LRRC56: variants seen among roughly 807,000 people sequenced by gnomAD.
LRRC56 encodes the protein leucine-rich repeat-containing protein 56.
LRRC56 carries 41 observed loss-of-function variants against 47.8 expected under a neutral mutation model. The observed-to-expected ratio is 0.86, with a 90% CI of 0.67 to 1.11. The LOEUF (loss-of-function observed/expected upper bound fraction) is 1.11, where lower values mean the gene tolerates loss of function less well. Ranked by LOEUF, LRRC56 falls within the 50% of genes most tolerant of loss-of-function variation. LRRC56 has a pLI of 0.00. For synonymous variants in LRRC56, 387 were observed against 311.2 expected (o/e 1.24, Z -2.56); for missense variants, 759 against 704.2 (o/e 1.08, Z -0.88).
At chr11:552,441 G>A (rs962635779) in intron 12 of LRRC56, 128 bp from the exon 13 acceptor site, 49 of 1,175,058 alleles carry the variant, frequency 4.2e-5, no homozygotes, top group South Asian at 1.4e-4. Context: ...GTCCTGTCCC[G>A]TGGGGGGATC....
rs555228061 is a variant in LRRC56 at position 553,783 on chromosome 11, G to A, written c.1316-180G>A. On this transcript the variant is annotated intron_variant, in intron 13 of 13. Transcript: ENST00000270115. Reference sequence around the variant, plus strand: ...GCCCCAGAGGTGGGCCCGCCCATGCGAGTCAGGGGTCACAGGGCTGGGAAC... The same window carrying A: ...GCCCCAGAGGTGGGCCCGCCCATGCAAGTCAGGGGTCACAGGGCTGGGAAC... Among the ~76,000 whole-genome samples the A allele has an allele frequency of 5.3e-5, 8 of 152,254 alleles. No homozygotes were observed. In the South Asian group the frequency reaches 6.3e-4, roughly 12 times the overall value.
chr11:510,579 A>G, the LRRC56 span, among the ~76,000 whole-genome samples: 1 of 152,040 alleles, frequency 6.6e-6, no homozygotes, highest in African/African-American at 2.4e-5. Context: ...CTCTACTAAT[A>G]ATACAAAAAT....
Position 551,219 on chromosome 11 carries a change from G to A in LRRC56, c.713G>A (p.Gly238Asp). The change falls in exon 9 of 14, where the codon GGC becomes GAC. Residue 238 changes from glycine to aspartate, a missense_variant. Transcript: ENST00000270115. ...GACGAAGTGCCGGCCGCACACACAG[G>A]CCCACCGGCCCCCCCGCGGCTGAGC... Reference protein sequence around the residue: ...VLDEVPAAHTGPPAPPRLSQD... With the variant: ...VLDEVPAAHTDPPAPPRLSQD... 1 of 1,547,034 alleles carries A rather than the reference G, an allele frequency of 6.5e-7. No homozygotes were observed. The highest frequency in any genetic ancestry group is 8.7e-7 in the Non-Finnish European group (1 of 1,144,918).
the LRRC56 span, among the ~76,000 whole-genome samples, chr11:511,893 C>G: frequency 6.6e-6 from 1 of 152,188 alleles, no homozygotes; most frequent in Non-Finnish European, 1.5e-5. Context: ...GACAGCTGTG[C>G]AGCGGCAGAG....
chr11:552,876 A>G (rs1852490128), intron 13 of LRRC56, among the ~76,000 whole-genome samples, 174 bp downstream of exon 13: 1 of 152,170 alleles, frequency 6.6e-6, no homozygotes. Context: ...CTCACGACCA[A>G]GGGAGGCCCA....
the LRRC56 span, among the ~76,000 whole-genome samples, chr11:518,800 C>G: frequency 6.6e-6 from 1 of 152,082 alleles, no homozygotes; most frequent in Admixed American, 6.6e-5. Flanking sequence ...GCGGCGCCCC[C>G]TCCTGGATGT....
chr11:546,373 A>C lies in LRRC56; in HGVS notation c.326+1593A>C, dbSNP rs577520928. Among the ~76,000 whole-genome samples the C allele has an allele frequency of 1.2e-3, 188 of 151,674 alleles. 2 individuals are homozygous for C. The highest frequency in any genetic ancestry group is 5.9e-4 in the Admixed American group (9 of 15,232). On this transcript the variant is annotated intron_variant, in intron 6 of 13. Transcript: ENST00000270115. ...CACGAGGTCAGGAGATTGAGACCATACTGACTAACATGGTGAAACCCCGTC... is the reference window on the plus strand; with the variant it reads ...CACGAGGTCAGGAGATTGAGACCATCCTGACTAACATGGTGAAACCCCGTC...
At chr11:532,610 C>T (rs750725731), upstream of LRRC56, 11 of 1,603,950 alleles carry the variant, frequency 6.9e-6, no homozygotes, top group East Asian at 4.5e-5. Flanking sequence ...GCGTGGCGGC[C>T]GCCCTGGGAG....
At chr11:551,386 G>A (rs908650588) in intron 9 of LRRC56, 84 bp downstream of exon 9, 17 of 960,148 alleles carry the variant, frequency 1.8e-5, no homozygotes, top group Admixed American at 5.4e-5. Context: ...TCTCAGAAAC[G>A]GATAGCCACA....
At chr11:545,292 G>T (rs561640350) in intron 6 of LRRC56, among the ~76,000 whole-genome samples, 7 of 152,358 alleles carry the variant, frequency 4.6e-5, no homozygotes, top group Admixed American at 2.0e-4. Flanking sequence ...ACCTTGAGGT[G>T]TCCCTGGTGA....
upstream of LRRC56, among the ~76,000 whole-genome samples, chr11:536,581 C>G (rs975569516): frequency 6.6e-6 from 1 of 152,134 alleles, no homozygotes; most frequent in African/African-American, 2.4e-5. Context: ...ACCAGCCTGG[C>G]CAACATGATG....
intron 13 of LRRC56, among the ~76,000 whole-genome samples, chr11:553,407 T>C (rs956708407): frequency 6.6e-6 from 1 of 151,834 alleles, no homozygotes; most frequent in African/African-American, 2.4e-5. Flanking sequence ...CTCTTCCATA[T>C]GGTGGTGGGT....
the LRRC56 span, among the ~76,000 whole-genome samples, chr11:526,138 C>T: frequency 6.6e-6 from 1 of 150,452 alleles, no homozygotes. Context: ...AACTGTGAGG[C>T]GGAGGCTACA....
At chr11:527,595 T>G in the LRRC56 span, among the ~76,000 whole-genome samples, 5 of 151,842 alleles carry the variant, frequency 3.3e-5, no homozygotes, top group Non-Finnish European at 7.4e-5. Context: ...GCAGTGGCGC[T>G]ATCTTGGCTC....
intron 6 of LRRC56, among the ~76,000 whole-genome samples, chr11:549,034 C>CACTG (rs1852230532): frequency 6.6e-6 from 1 of 152,158 alleles, no homozygotes; most frequent in African/African-American, 2.4e-5. Flanking sequence ...TGAGGACAGA[C>CACTG]ACTGACTCCA....
chr11:541,852 C>T lies in LRRC56; in HGVS notation c.265+228C>T, dbSNP rs1302627755. 6.6e-6 allele frequency among the ~76,000 whole-genome samples: 1 copy of T among 150,734 alleles called. No individual in the cohort carries two copies. Among genetic ancestry groups the T allele is most frequent in the Non-Finnish European group, 1.5e-5 (1 of 67,668 alleles). Reference sequence around the variant, plus strand: ...CCCCCAGCACGCTCAGTACCCCACACACCCACACCAGTACCCCCAGCACGC... The same window carrying T: ...CCCCCAGCACGCTCAGTACCCCACATACCCACACCAGTACCCCCAGCACGC... On this transcript the variant is annotated intron_variant, in intron 5 of 13. Transcript: ENST00000270115. The surrounding 1 kb of genome is among the most constrained non-coding windows in gnomAD (Gnocchi z 4.1).
chr11:532,690 G>A (rs765180494), upstream of LRRC56: 5 of 1,613,156 alleles, frequency 3.1e-6, no homozygotes, highest in Admixed American at 3.3e-5. Context: ...CATCAGGAGG[G>A]TTCAGCTTCC....
chr11:545,825 C>G (rs1852046724), intron 6 of LRRC56, among the ~76,000 whole-genome samples: 1 of 152,196 alleles, frequency 6.6e-6, no homozygotes, highest in Admixed American at 6.5e-5. Flanking sequence ...AGGGGAATTC[C>G]AGGCAGAATT....
chr11:519,190 C>A, the LRRC56 span, among the ~76,000 whole-genome samples: 3 of 152,228 alleles, frequency 2.0e-5, no homozygotes, highest in Non-Finnish European at 4.4e-5. Flanking sequence ...GCAGTTCACC[C>A]CTGAGCCGCG....
Sources: gnomAD v4.1 joint callset for allele counts (sites outside exome capture counted in the v4.1 genomes callset) on GRCh38, gnomAD v4.1.1 for gene constraint, Gnocchi (gnomAD v3.1) non-coding constraint, MANE v1.5 for transcripts, NCBI Gene and HGNC (gene_info 2026-07-23, HGNC 2026-07-21) for gene names.